Variants in PRKN observed in about 807,000 individuals in gnomAD.
The protein encoded by PRKN is parkin RBR E3 ubiquitin protein ligase.
A neutral mutation model predicts 59.5 loss-of-function variants in PRKN; 56 were observed. The observed-to-expected ratio is 0.94, with a 90% confidence interval of 0.76 to 1.18. The LOEUF (loss-of-function observed/expected upper bound fraction) is 1.18. Ranked by LOEUF, PRKN falls within the 50% of genes most tolerant of loss-of-function variation. The pLI is 0.00. For missense variants in PRKN, 657 were observed against 596.4 expected (o/e 1.10, Z -1.06); for synonymous variants, 250 against 222.1 (o/e 1.13, Z -1.12).
chr6:161,835,025 C>T (rs1430945066), intron 6 of PRKN, among the ~76,000 whole-genome samples: 3 of 152,134 alleles, frequency 2.0e-5, no homozygotes, highest in Non-Finnish European at 4.4e-5. Context: ...CATTTCTGCC[C>T]GCTGTGGCCA....
At chr6:161,679,919 A>T (rs1484517161) in intron 7 of PRKN, among the ~76,000 whole-genome samples, 1 of 151,104 alleles carries the variant, frequency 6.6e-6, no homozygotes, top group Non-Finnish European at 1.5e-5. Context: ...CAGCCTGGCT[A>T]CCTTTTTTTT....
At chr6:162,143,594 T>A (rs781204000) in intron 4 of PRKN, among the ~76,000 whole-genome samples, 1 of 152,212 alleles carries the variant, frequency 6.6e-6, no homozygotes, top group East Asian at 1.9e-4. Flanking sequence ...CATGCTGATA[T>A]GAGCAGCCAT....
intron 4 of PRKN, among the ~76,000 whole-genome samples, chr6:162,184,745 C>T (rs1046776310): frequency 3.3e-5 from 5 of 152,138 alleles, no homozygotes; most frequent in African/African-American, 9.7e-5. Context: ...TTTTGCTGAT[C>T]CCCACTGAAG....
chr6:162,343,112 A>G lies in PRKN; in HGVS notation c.172-80347T>C, dbSNP rs544522902. Reference sequence around the variant, plus strand: ...ATATACTGTCTGCAATGCTAAATAAATATTTCTCATCAGAAGAAATATCTG... The same window carrying G: ...ATATACTGTCTGCAATGCTAAATAAGTATTTCTCATCAGAAGAAATATCTG... On this transcript the variant is annotated intron_variant, in intron 2 of 11. Transcript: ENST00000366898. Among the ~76,000 whole-genome samples, 49 of 152,180 alleles carry G rather than the reference A, an allele frequency of 3.2e-4. 1 individual carries two copies. The highest frequency in any genetic ancestry group is 6.2e-4 in the Non-Finnish European group (42 of 68,038).
At chr6:162,392,129 A>G (rs534214388) in intron 2 of PRKN, among the ~76,000 whole-genome samples, 15 of 152,028 alleles carry the variant, frequency 9.9e-5, no homozygotes, top group African/African-American at 3.6e-4. Flanking sequence ...GAAAAGCAAT[A>G]TGCCCAAAAT....
intron 1 of PRKN, among the ~76,000 whole-genome samples, chr6:162,584,263 C>T (rs1780918375): frequency 6.7e-6 from 1 of 150,066 alleles, no homozygotes; most frequent in African/African-American, 2.5e-5. Context: ...AAAAAAAACA[C>T]TGACTATATT....
At chr6:162,467,936 T>C (rs929148078) in intron 1 of PRKN, among the ~76,000 whole-genome samples, 1 of 152,148 alleles carries the variant, frequency 6.6e-6, no homozygotes, top group Non-Finnish European at 1.5e-5. Context: ...CTCCTATCTT[T>C]CCATGACTCA....
At chr6:161,630,794 C>T (rs755177163) in intron 7 of PRKN, among the ~76,000 whole-genome samples, 11 of 152,146 alleles carry the variant, frequency 7.2e-5, no homozygotes, top group Admixed American at 7.2e-4. Flanking sequence ...AAAAAAGACA[C>T]GTGGTTCTCT....
chr6:161,658,030 A>AAAAAAAAAAAAAAAAAAAAAAG lies in PRKN; in HGVS notation c.872-88615_872-88614insCTTTTTTTTTTTTTTTTTTTTT, dbSNP rs781518268. On this transcript the variant is annotated intron_variant, in intron 7 of 11. Transcript: ENST00000366898. Reference sequence around the variant, plus strand: ...GACTCTGTCTCAAAAAAAAAAAAAAAAAAAGAAAAGAAAAGAAAAAAACGG... The same window carrying AAAAAAAAAAAAAAAAAAAAAAG: ...GACTCTGTCTCAAAAAAAAAAAAAAAAAAAAAAAAAAAAAAAAAAAAGAAAAGAAAAGAAAAGAAAAAAACGG... Among the ~76,000 whole-genome samples, 50 of 104,872 alleles carry AAAAAAAAAAAAAAAAAAAAAAG rather than the reference A, an allele frequency of 4.8e-4. 3 individuals are homozygous for AAAAAAAAAAAAAAAAAAAAAAG. Among genetic ancestry groups the AAAAAAAAAAAAAAAAAAAAAAG allele is most frequent in the East Asian group, 2.2e-3 (7 of 3,152 alleles). The allele number at this position is 104,872 out of a possible 152,430, so 68.8% of individuals were successfully genotyped here.
chr6:162,689,547 A>G (rs957339433), intron 1 of PRKN, among the ~76,000 whole-genome samples: 1 of 152,250 alleles, frequency 6.6e-6, no homozygotes, highest in Non-Finnish European at 1.5e-5. Flanking sequence ...TTATTGAATT[A>G]GTTTCTCCAA....
chr6:162,050,975 T>G (rs1777614070), intron 5 of PRKN, among the ~76,000 whole-genome samples: 1 of 152,126 alleles, frequency 6.6e-6, no homozygotes, highest in African/African-American at 2.4e-5. Flanking sequence ...CAGCCATTAT[T>G]TACTGCCAGA....
chr6:162,014,321 C>G (rs1013465750), intron 5 of PRKN, among the ~76,000 whole-genome samples: 1 of 152,184 alleles, frequency 6.6e-6, no homozygotes, highest in Non-Finnish European at 1.5e-5. Context: ...TTCAGAGCCC[C>G]CGGCCAGTCA....
At chr6:161,830,536 G>A (rs904618445) in intron 6 of PRKN, among the ~76,000 whole-genome samples, 1 of 152,152 alleles carries the variant, frequency 6.6e-6, no homozygotes, top group African/African-American at 2.4e-5. Flanking sequence ...ACAGGCGTGA[G>A]CCCCCGCACC....
rs547673589 is a variant in PRKN at position 162,310,628 on chromosome 6, G to T, written c.172-47863C>A. ...GGGGAGCGGGGAGGGATAGCATTAGGAGATATACCTAATGTAAATGATGAG... is the reference window on the plus strand; with the variant it reads ...GGGGAGCGGGGAGGGATAGCATTAGTAGATATACCTAATGTAAATGATGAG... On this transcript the variant is annotated intron_variant, in intron 2 of 11. Transcript: ENST00000366898. Among the ~76,000 whole-genome samples, 146 of 152,046 alleles carry T rather than the reference G, an allele frequency of 9.6e-4. 1 individual carries two copies. Among genetic ancestry groups the T allele is most frequent in the African/African-American group, 3.2e-3 (134 of 41,488 alleles).
At chr6:162,678,578 T>C (rs984910650) in intron 1 of PRKN, among the ~76,000 whole-genome samples, 1 of 152,262 alleles carries the variant, frequency 6.6e-6, no homozygotes, top group African/African-American at 2.4e-5. Context: ...ATGTGTTTAC[T>C]TGTCATCTGT....
chr6:162,155,865 G>A (rs78607580), intron 4 of PRKN, among the ~76,000 whole-genome samples: 2,708 of 151,480 alleles, frequency 0.018, 80 homozygotes, highest in African/African-American at 0.061. Flanking sequence ...AAACCAAAAC[G>A]TGATAAGTGA....
At chr6:161,815,569 C>T (rs150286686) in intron 6 of PRKN, among the ~76,000 whole-genome samples, 32 of 152,282 alleles carry the variant, frequency 2.1e-4, no homozygotes, top group African/African-American at 7.2e-4. Flanking sequence ...AATAATTCCA[C>T]AAAATATATG....
chr6:162,542,678 C>T (rs1778970773), intron 1 of PRKN, among the ~76,000 whole-genome samples: 1 of 152,118 alleles, frequency 6.6e-6, no homozygotes, highest in Non-Finnish European at 1.5e-5. Context: ...CATTATGTCT[C>T]TCAGAAATTT....
intron 4 of PRKN, among the ~76,000 whole-genome samples, chr6:162,113,465 T>G (rs1018348347): frequency 2.6e-5 from 4 of 152,260 alleles, no homozygotes; most frequent in South Asian, 2.1e-4. Context: ...GTGTCTCACA[T>G]CAGTTAAATT....
Sources: allele counts gnomAD v4.1 joint callset (sites outside exome capture counted in the v4.1 genomes callset), GRCh38; gene constraint gnomAD v4.1.1; transcripts MANE v1.5; gene names NCBI Gene and HGNC (gene_info 2026-07-23, HGNC 2026-07-21).